The following WDR3 variants were observed in gnomAD, a reference collection of about 807,000 sequenced individuals.
WDR3 encodes the protein WD repeat-containing protein 3.
Under a neutral mutation model 123.7 loss-of-function variants are expected in WDR3, and 81 were observed. That is an observed-to-expected ratio of 0.65 (90% CI 0.55 to 0.79). WDR3 has a LOEUF of 0.79. Ranked by LOEUF, WDR3 falls within the 30% of genes least tolerant of loss-of-function variation. The probability of loss-of-function intolerance (pLI) is 0.00; values close to 1 mark genes in which losing one functional copy is unlikely to be tolerated. For missense variants in WDR3, 1,027 were observed against 1,123.2 expected (o/e 0.91, Z 1.22); for synonymous variants, 390 against 388.8 (o/e 1.00, Z -0.04).
Position 117,934,458 on chromosome 1 carries a change from T to C in WDR3, c.172-15T>C. 6.2e-7 allele frequency: 1 copy of C among 1,612,516 alleles called. No homozygotes were observed. Among genetic ancestry groups the C allele is most frequent in the Non-Finnish European group, 8.5e-7 (1 of 1,179,530 alleles). ...CTTAACTCTTCTACATTGTTTTTAA[T>C]TTTTATGATTTCAGATTCTTATCCT... is the stretch of plus-strand genomic sequence containing the variant. On this transcript the variant is annotated splice_polypyrimidine_tract_variant and intron_variant, in intron 2 of 26. Coordinates refer to ENST00000349139, the MANE Select transcript of WDR3 (RefSeq NM_006784.3).
At chr1:117,954,347 G>T (rs1277573036) in intron 22 of WDR3, among the ~76,000 whole-genome samples, 1 of 152,038 alleles carries the variant, frequency 6.6e-6, no homozygotes, top group African/African-American at 2.4e-5. Context: ...GTTCTATGTT[G>T]GTTTGGGAGG....
At chr1:117,948,124 G>T (rs1290312885) in intron 12 of WDR3, among the ~76,000 whole-genome samples, 1 of 152,178 alleles carries the variant, frequency 6.6e-6, no homozygotes, top group Non-Finnish European at 1.5e-5. Flanking sequence ...TTGTGAAGTT[G>T]TGTAACCAAT....
intron 5 of WDR3, 120 bp downstream of exon 5, chr1:117,938,678 A>G: frequency 1.3e-6 from 1 of 777,072 alleles, no homozygotes; most frequent in Non-Finnish European, 2.0e-6. Flanking sequence ...ATCATATGCC[A>G]TCTTGAGGGA....
At position 117,964,367 on chromosome 1, in the gene WDR3, GAAATAGA is replaced by G. The variant is rs1653535361; in HGVS notation, c.*4925_*4931del. 1 of 153,158 alleles carries G rather than the reference GAAATAGA, an allele frequency of 6.5e-6. No homozygotes were observed. The highest frequency in any genetic ancestry group is 2.4e-5 in the African/African-American group (1 of 41,362). 9.5% of individuals were successfully genotyped at this position (153,158 alleles called of 1,614,324 possible). ...AGGTTCTCTCTAATCTATAAGCAGG[GAAATAGA>G]AAATTTATTATAAATACAAATGATT... On this transcript the variant is annotated 3_prime_UTR_variant, in exon 27 of 27. Transcript: ENST00000349139.
intron 24 of WDR3, among the ~76,000 whole-genome samples, chr1:117,955,863 T>C (rs1165135403): frequency 6.6e-6 from 1 of 152,186 alleles, no homozygotes; most frequent in Non-Finnish European, 1.5e-5. Flanking sequence ...GTGGCTTCAC[T>C]GAATATGTTT....
intron 6 of WDR3, 145 bp from the exon 7 acceptor site, chr1:117,940,682 C>T (rs1651111442): frequency 2.9e-6 from 2 of 694,820 alleles, no homozygotes; most frequent in South Asian, 1.8e-5. Context: ...GAGATGTGAT[C>T]ATGCCATTGC....
chr1:117,966,312 T>A lies in WDR3; in HGVS notation c.*6865T>A, dbSNP rs1311186056. 4.5e-6 allele frequency: 1 copy of A among 222,238 alleles called. No homozygotes were observed. Among genetic ancestry groups the A allele is most frequent in the African/African-American group, 2.3e-5 (1 of 44,032 alleles). The allele number at this position is 222,238 out of a possible 1,614,324, so 13.8% of individuals were successfully genotyped here. ...TTCCTATCCTTCCATAAAATTATAATTTTTTTGTGATAGATACTTGCTGTT... is the reference window on the plus strand; with the variant it reads ...TTCCTATCCTTCCATAAAATTATAAATTTTTTGTGATAGATACTTGCTGTT... On this transcript the variant is annotated 3_prime_UTR_variant, in exon 27 of 27. Transcript: ENST00000349139.
At chr1:117,957,266 T>C (rs1652354810) in intron 25 of WDR3, 70 bp downstream of exon 25, 2 of 1,499,206 alleles carry the variant, frequency 1.3e-6, no homozygotes, top group Non-Finnish European at 1.8e-6. Context: ...TAACTGAAGC[T>C]GTCAACACTT....
chr1:117,933,617 C>A lies in WDR3; in HGVS notation c.171+127C>A, dbSNP rs528322989. On this transcript the variant is annotated intron_variant, in intron 2 of 26. Transcript: ENST00000349139. ...GTGTCTGTGCCCTTAGAAGAAAAAT[C>A]TTTTTCCTTTAGGTCTAGCTAGCCA... 2.5e-4 allele frequency: 317 copies of A among 1,291,064 alleles called. 2 individuals carry two copies. The highest frequency in any genetic ancestry group is 1.2e-4 in the Non-Finnish European group (110 of 913,516). The allele number at this position is 1,291,064 out of a possible 1,614,324, so 80.0% of individuals were successfully genotyped here. A position where few individuals can be genotyped will look rare whatever the true frequency, so the allele number is the denominator to read the frequency against.
chr1:117,934,014 A>G (rs983443719), intron 2 of WDR3, among the ~76,000 whole-genome samples: 1 of 152,184 alleles, frequency 6.6e-6, no homozygotes, highest in African/African-American at 2.4e-5. Flanking sequence ...TGTGATTCCC[A>G]AGAGGTTAGT....
chr1:117,933,951 C>T (rs1650828153), intron 2 of WDR3, among the ~76,000 whole-genome samples: 1 of 152,144 alleles, frequency 6.6e-6, no homozygotes, highest in Non-Finnish European at 1.5e-5. Flanking sequence ...ATTCCCTAAG[C>T]CTACCACTTT....
In WDR3 at chr1:117,963,366, CT is replaced by C. The variant is rs1202876471; in HGVS notation, c.*3934del. On this transcript the variant is annotated 3_prime_UTR_variant, in exon 27 of 27. Coordinates refer to ENST00000349139, the MANE Select transcript of WDR3 (RefSeq NM_006784.3). The stretch of plus-strand genomic sequence containing the variant: ...GTATAGTTATTTAAACAAATATTTT[CT>C]TTTTTTTTTTTTTTGAGACAGAGTC... The C allele has an allele frequency of 2.0e-3, 287 of 141,292 alleles. No homozygotes were observed. Among genetic ancestry groups the C allele is most frequent in the South Asian group, 2.7e-3 (12 of 4,374 alleles). 8.8% of individuals were successfully genotyped at this position (141,292 alleles called of 1,614,324 possible).
chr1:117,936,364 T>G (rs970982944), intron 3 of WDR3, among the ~76,000 whole-genome samples: 3 of 145,270 alleles, frequency 2.1e-5, no homozygotes, highest in Non-Finnish European at 4.6e-5. Context: ...AAACTAAATG[T>G]CTGAAACAGA....
chr1:117,951,850 A>G (rs1159954116), intron 16 of WDR3, 126 bp from the exon 17 acceptor site: 2 of 844,740 alleles, frequency 2.4e-6, no homozygotes, highest in Non-Finnish European at 1.8e-6. Context: ...TTTAGTAGAG[A>G]TGAAAATCAG....
intron 6 of WDR3, 88 bp from the exon 7 acceptor site, chr1:117,940,739 A>G: frequency 8.1e-7 from 1 of 1,238,706 alleles, no homozygotes; most frequent in Non-Finnish European, 1.1e-6. Context: ...GACAACAACA[A>G]CAACAACAAC....
At chr1:117,941,914 A>T in intron 9 of WDR3, 67 bp downstream of exon 9, 1 of 1,488,238 alleles carries the variant, frequency 6.7e-7, no homozygotes, top group East Asian at 2.6e-5. Flanking sequence ...ACTGAAAAAA[A>T]ACTGGCTTCT....
chr1:117,966,529 G>T lies in WDR3; in HGVS notation c.*7082G>T. Reference sequence around the variant, plus strand: ...AAGATAGAATTAATAAAGTAGAGATGCATTTTGACTTCCATGTTTTCCTCA... The same window carrying T: ...AAGATAGAATTAATAAAGTAGAGATTCATTTTGACTTCCATGTTTTCCTCA... On this transcript the variant is annotated 3_prime_UTR_variant, in exon 27 of 27. Transcript: ENST00000349139. 8.1e-7 allele frequency: 1 copy of T among 1,228,076 alleles called. No individual in the cohort carries two copies. Among genetic ancestry groups the T allele is most frequent in the East Asian group, 2.6e-5 (1 of 39,106 alleles). 76.1% of individuals were successfully genotyped at this position (1,228,076 alleles called of 1,614,324 possible). A position where few individuals can be genotyped will look rare whatever the true frequency, so the allele number is the denominator to read the frequency against.
At chr1:117,930,564 A>G (rs1457199472) in intron 1 of WDR3, among the ~76,000 whole-genome samples, 2 of 152,188 alleles carry the variant, frequency 1.3e-5, no homozygotes, top group African/African-American at 4.8e-5. Flanking sequence ...TAGGATAGGG[A>G]AAGCTCATTT....
intron 10 of WDR3, among the ~76,000 whole-genome samples, chr1:117,942,890 T>G (rs1256258064): frequency 1.9e-5 from 2 of 102,776 alleles, no homozygotes; most frequent in Non-Finnish European, 3.5e-5. Context: ...CTGAGCCTAG[T>G]TTTTTTTTTT....
Sources: allele counts gnomAD v4.1 joint callset (sites outside exome capture counted in the v4.1 genomes callset), GRCh38; gene constraint gnomAD v4.1.1; transcripts MANE v1.5; gene names NCBI Gene and HGNC (gene_info 2026-07-23, HGNC 2026-07-21).